Variants in NALF1 observed in about 807,000 individuals in gnomAD.
NALF1 encodes the protein NALCN channel auxiliary factor 1, also known as family with sequence similarity 155 member A.
NALF1 carries 3 observed loss-of-function variants against 48.4 expected under a neutral mutation model. The ratio of observed to expected loss-of-function variants is 0.06; its 90% CI spans 0.03 to 0.16. NALF1 has a LOEUF of 0.16. NALF1 is among the 10% of genes least tolerant of loss of function. NALF1 has a pLI of 1.00. For missense variants in NALF1, 526 were observed against 571.5 expected, an observed-to-expected ratio of 0.92 and a Z score of 0.81; for synonymous variants, 262 against 245.7, an observed-to-expected ratio of 1.07 and a Z score of -0.62.
chr13:107,766,945 T>C (rs1877432715), intron 1 of NALF1, among the ~76,000 whole-genome samples: 1 of 152,150 alleles, frequency 6.6e-6, no homozygotes, highest in African/African-American at 2.4e-5. Context: ...TTGTTTAAAA[T>C]TTTATTTTAT....
chr13:107,204,141 A>G (rs946495761), intron 2 of NALF1, among the ~76,000 whole-genome samples: 9 of 126,860 alleles, frequency 7.1e-5, no homozygotes, highest in African/African-American at 1.4e-4. Context: ...TCCAACGAGC[A>G]TCACCCAGGT....
At chr13:107,332,440 C>T (rs1882485755) in intron 1 of NALF1, among the ~76,000 whole-genome samples, 1 of 152,206 alleles carries the variant, frequency 6.6e-6, no homozygotes, top group South Asian at 2.1e-4. Context: ...TGATAGTTCA[C>T]AGAGCTACAG....
chr13:107,499,788 G>C (rs1317694833), intron 1 of NALF1, among the ~76,000 whole-genome samples: 1 of 151,842 alleles, frequency 6.6e-6, no homozygotes, highest in Non-Finnish European at 1.5e-5. Flanking sequence ...TCTTTTATGA[G>C]TACGTATTGT....
At position 107,164,584 on chromosome 13, in the gene NALF1, G is replaced by C. The variant is rs918644647; in HGVS notation, c.*5913C>G. On this transcript the variant is annotated 3_prime_UTR_variant, in exon 3 of 3. Transcript: ENST00000375915. Reference sequence around the variant, plus strand: ...TACCACTGTTGATCAATTTACACTTGCTTGTAGAACCACTTCAATTTGTGT... The same window carrying C: ...TACCACTGTTGATCAATTTACACTTCCTTGTAGAACCACTTCAATTTGTGT... 11 of 151,896 alleles carry C rather than the reference G, an allele frequency of 7.2e-5. No individual in the cohort carries two copies. The highest frequency in any genetic ancestry group is 2.7e-4 in the African/African-American group (11 of 41,332). The allele number at this position is 151,896 out of a possible 1,614,324, so 9.4% of individuals were successfully genotyped here.
At chr13:107,229,056 C>A (rs539976767) in intron 1 of NALF1, among the ~76,000 whole-genome samples, 1 of 152,084 alleles carries the variant, frequency 6.6e-6, no homozygotes, top group Non-Finnish European at 1.5e-5. Context: ...GAAGCTATGT[C>A]GTCTGAATGT....
At chr13:107,782,591 C>G (rs1877927699) in intron 1 of NALF1, among the ~76,000 whole-genome samples, 1 of 151,370 alleles carries the variant, frequency 6.6e-6, no homozygotes, top group African/African-American at 2.4e-5. Context: ...CGGCTGCCAT[C>G]CCATCTAGGA....
At chr13:107,782,022 T>TCTCTCCCTCTCCCTCTCCCTC (rs1159162255) in intron 1 of NALF1, among the ~76,000 whole-genome samples, 1 of 152,090 alleles carries the variant, frequency 6.6e-6, no homozygotes, top group Non-Finnish European at 1.5e-5. Context: ...AAGAAAATCT[T>TCTCTCCCTCTCCCTCTCCCTC]CTCTCCCTCT....
At chr13:107,577,185 C>T (rs530780059) in intron 1 of NALF1, among the ~76,000 whole-genome samples, 2 of 152,264 alleles carry the variant, frequency 1.3e-5, no homozygotes, top group South Asian at 4.1e-4. Context: ...GAAGGCGAAA[C>T]TAACTTGGAC....
intron 1 of NALF1, among the ~76,000 whole-genome samples, chr13:107,215,607 G>A (rs912282427): frequency 1.3e-5 from 2 of 152,248 alleles, no homozygotes; most frequent in East Asian, 1.9e-4. Context: ...GTGAAGCCAC[G>A]AACTCTAGAA....
chr13:107,180,859 T>G (rs1416935447), intron 2 of NALF1, among the ~76,000 whole-genome samples: 4 of 151,832 alleles, frequency 2.6e-5, no homozygotes, highest in Non-Finnish European at 5.9e-5. Flanking sequence ...GTGAAATTTA[T>G]AAAGCATTGT....
chr13:107,737,166 C>T (rs1230212039), intron 1 of NALF1, among the ~76,000 whole-genome samples: 1 of 152,128 alleles, frequency 6.6e-6, no homozygotes, highest in East Asian at 1.9e-4. Context: ...GATAGAGAAA[C>T]ACCAGTGTCT....
intron 1 of NALF1, among the ~76,000 whole-genome samples, chr13:107,378,745 T>C (rs1033750436): frequency 3.3e-5 from 5 of 152,160 alleles, no homozygotes; most frequent in African/African-American, 1.2e-4. Context: ...TTGAACAATA[T>C]AGGTTAGAAA....
chr13:107,584,342 G>A (rs1164950445), intron 1 of NALF1, among the ~76,000 whole-genome samples: 1 of 152,112 alleles, frequency 6.6e-6, no homozygotes, highest in Non-Finnish European at 1.5e-5. Flanking sequence ...AATAAGCAAG[G>A]TCCTTCCAGG....
chr13:107,723,796 G>A (rs1876061752), intron 1 of NALF1, among the ~76,000 whole-genome samples: 1 of 152,176 alleles, frequency 6.6e-6, no homozygotes, highest in Non-Finnish European at 1.5e-5. Context: ...GAGTGAAACT[G>A]TTGTCTAGCT....
intron 1 of NALF1, among the ~76,000 whole-genome samples, chr13:107,555,827 TAGA>T (rs1439941242): frequency 6.6e-6 from 1 of 152,090 alleles, no homozygotes; most frequent in Non-Finnish European, 1.5e-5. Flanking sequence ...TGGAAAATTT[TAGA>T]AGAAATTCTA....
chr13:107,191,833 ATTTTTTTTTT>A (rs66566638), intron 2 of NALF1, among the ~76,000 whole-genome samples: 2 of 112,224 alleles, frequency 1.8e-5, no homozygotes, highest in Admixed American at 1.0e-4. Flanking sequence ...CACTATGCCT[ATTTTTTTTTT>A]TTTTTTTTTT....
intron 1 of NALF1, among the ~76,000 whole-genome samples, chr13:107,310,031 T>A (rs1882014494): frequency 6.6e-6 from 1 of 152,132 alleles, no homozygotes; most frequent in Non-Finnish European, 1.5e-5. Flanking sequence ...ACCAATAAGT[T>A]GGTATGCAAA....
chr13:107,699,359 T>A (rs1881767937), intron 1 of NALF1, among the ~76,000 whole-genome samples: 1 of 152,112 alleles, frequency 6.6e-6, no homozygotes, highest in African/African-American at 2.4e-5. Context: ...GAAAAAAATA[T>A]TACAGAGGAC....
At chr13:107,354,605 C>T (rs142866829) in intron 1 of NALF1, among the ~76,000 whole-genome samples, 21 of 152,228 alleles carry the variant, frequency 1.4e-4, no homozygotes, top group South Asian at 2.1e-4. Flanking sequence ...TAATGAGATT[C>T]GGGTGGGGAC....
Sources: allele counts gnomAD v4.1 joint callset (sites outside exome capture counted in the v4.1 genomes callset), GRCh38; gene constraint gnomAD v4.1.1; transcripts MANE v1.5; gene names NCBI Gene and HGNC (gene_info 2026-07-23, HGNC 2026-07-21).